KLF8: variants seen among roughly 807,000 people sequenced by gnomAD.
KLF8 encodes the protein KLF transcription factor 8.
A neutral mutation model predicts 18.2 loss-of-function variants in KLF8; 10 were observed. That is an observed-to-expected ratio of 0.55 (90% CI 0.34 to 0.93). KLF8 has a LOEUF of 0.93. KLF8 is among the 40% of genes least tolerant of loss of function. The pLI is 0.02. For missense variants in KLF8, 264 were observed against 277.9 expected (o/e 0.95, Z 0.36); for synonymous variants, 109 against 97.3 (o/e 1.12, Z -0.71).
the KLF8 span, among the ~76,000 whole-genome samples, chrX:56,187,245 C>T: frequency 1.8e-5 from 2 of 111,705 alleles, no homozygotes; most frequent in Non-Finnish European, 3.8e-5. Context: ...CTATAAACAC[C>T]TCTACGCAAA....
the KLF8 span, among the ~76,000 whole-genome samples, chrX:56,125,185 A>C: frequency 2.2e-4 from 25 of 111,945 alleles, no homozygotes; most frequent in Non-Finnish European, 4.3e-4. Context: ...CAGACATGAC[A>C]TCTTTTTCTT....
chrX:56,200,168 A>T, the KLF8 span, among the ~76,000 whole-genome samples: 2 of 110,713 alleles, frequency 1.8e-5, no homozygotes, highest in East Asian at 5.7e-4. Flanking sequence ...CCAACATAGC[A>T]CATGTATACC....
At chrX:56,079,471 C>G in the KLF8 span, among the ~76,000 whole-genome samples, 2 of 111,594 alleles carry the variant, frequency 1.8e-5, no homozygotes, top group Non-Finnish European at 3.8e-5. Context: ...ATTCTTAATC[C>G]TGAGTTCTAG....
chrX:56,221,373 G>T, the KLF8 span, among the ~76,000 whole-genome samples: 43 of 111,659 alleles, frequency 3.9e-4, no homozygotes, highest in Non-Finnish European at 7.0e-4. Context: ...GGCAAAACTT[G>T]TTTATAATAG....
At chrX:55,927,513 C>G in the KLF8 span, among the ~76,000 whole-genome samples, 2 of 111,677 alleles carry the variant, frequency 1.8e-5, no homozygotes, top group African/African-American at 6.5e-5. Context: ...TTCAACCCCC[C>G]ATTCCTCACC....
intron 4 of KLF8, 39 bp from the exon 5 acceptor site, chrX:56,270,143 A>G (rs1359882375): frequency 8.6e-7 from 1 of 1,161,116 alleles, no homozygotes; most frequent in African/African-American, 1.8e-5. Flanking sequence ...CCTTCACTTT[A>G]AAGTCACTGT....
the KLF8 span, among the ~76,000 whole-genome samples, chrX:56,064,720 T>C: frequency 1.8e-5 from 2 of 111,784 alleles, no homozygotes; most frequent in African/African-American, 3.3e-5. Context: ...GTTTTCATAA[T>C]GGTGGCTATT....
the KLF8 span, among the ~76,000 whole-genome samples, chrX:56,145,767 A>G: frequency 8.9e-6 from 1 of 111,924 alleles, no homozygotes; most frequent in Non-Finnish European, 1.9e-5. Context: ...CATTGTGCTA[A>G]TGAGTGAACA....
the KLF8 span, among the ~76,000 whole-genome samples, chrX:56,064,976 G>C: frequency 1.1e-4 from 12 of 111,694 alleles, no homozygotes; most frequent in Non-Finnish European, 2.3e-4. Context: ...TCTCATGAAA[G>C]TTCCTTTATA....
the KLF8 span, among the ~76,000 whole-genome samples, chrX:56,025,684 G>C: frequency 9.0e-6 from 1 of 111,381 alleles, no homozygotes; most frequent in Non-Finnish European, 1.9e-5. Context: ...TACTTTACTT[G>C]TGTCACCTAG....
chrX:56,094,078 A>C, the KLF8 span, among the ~76,000 whole-genome samples: 1 of 110,085 alleles, frequency 9.1e-6, no homozygotes. Flanking sequence ...TGAGTAGAAA[A>C]GTGTACCAAA....
chrX:56,173,385 G>T, the KLF8 span, among the ~76,000 whole-genome samples: 380 of 111,777 alleles, frequency 3.4e-3, 2 homozygotes, highest in African/African-American at 0.012. Context: ...GTTTTTGCCA[G>T]TTTCTCAAAG....
At chrX:56,268,993 T>C (rs1176327466) in intron 3 of KLF8, 11 of 888,275 alleles carry the variant, frequency 1.2e-5, no homozygotes, top group Middle Eastern at 3.2e-4. Flanking sequence ...AGCTATTCAG[T>C]GAGTTCAATT....
At chrX:56,159,407 G>C in the KLF8 span, among the ~76,000 whole-genome samples, 39 of 112,628 alleles carry the variant, frequency 3.5e-4, no homozygotes, top group Non-Finnish European at 6.2e-4. Context: ...CTCATAAAAT[G>C]AGTTAGGGAG....
chrX:56,085,029 G>A, the KLF8 span, among the ~76,000 whole-genome samples: 411 of 111,694 alleles, frequency 3.7e-3, 5 homozygotes, highest in African/African-American at 0.013. Flanking sequence ...TTAAGAAGAA[G>A]CCTTTATAAG....
At chrX:55,927,273 G>A in the KLF8 span, among the ~76,000 whole-genome samples, 1 of 111,930 alleles carries the variant, frequency 8.9e-6, no homozygotes, top group Non-Finnish European at 1.9e-5. Flanking sequence ...CTATATGCCA[G>A]TAGCAACTCC....
the KLF8 span, among the ~76,000 whole-genome samples, chrX:56,190,438 C>G: frequency 4.5e-5 from 5 of 111,745 alleles, no homozygotes; most frequent in South Asian, 1.8e-3. Flanking sequence ...AGGAAATCAA[C>G]AAAGAATAAT....
the KLF8 span, among the ~76,000 whole-genome samples, chrX:56,145,100 A>G: frequency 9.0e-6 from 1 of 111,517 alleles, no homozygotes; most frequent in Non-Finnish European, 1.9e-5. Context: ...GCCAGAATGC[A>G]TAGAGAACTT....
chrX:56,183,934 C>G, the KLF8 span, among the ~76,000 whole-genome samples: 21 of 111,558 alleles, frequency 1.9e-4, no homozygotes, highest in African/African-American at 6.8e-4. Context: ...ACAGCTCCCA[C>G]CATGAGCGAT....
Sources: allele counts gnomAD v4.1 joint callset (sites outside exome capture counted in the v4.1 genomes callset), GRCh38; gene constraint gnomAD v4.1.1; transcripts MANE v1.5; gene names NCBI Gene and HGNC (gene_info 2026-07-23, HGNC 2026-07-21).